Variants in COL19A1 observed in about 807,000 individuals in gnomAD.
The protein encoded by COL19A1 is collagen type XIX alpha 1 chain, also known as collagen alpha-1(XIX) chain.
In COL19A1, 159 loss-of-function variants were observed where a neutral mutation model predicts 190.2. The observed-to-expected ratio is 0.84, with a 90% CI of 0.73 to 0.95. The LOEUF (loss-of-function observed/expected upper bound fraction) is 0.95, where lower values mean the gene tolerates loss of function less well. Among genes scored for constraint, COL19A1 ranks in the 40% least tolerant of loss-of-function variants. The pLI is 0.00. For missense variants in COL19A1, 1,418 were observed against 1,431.9 expected (o/e 0.99, Z 0.16); for synonymous variants, 509 against 458.9 (o/e 1.11, Z -1.39).
intron 16 of COL19A1, among the ~76,000 whole-genome samples, chr6:70,111,261 C>T (rs1222218870): frequency 6.6e-6 from 1 of 152,112 alleles, no homozygotes; most frequent in African/African-American, 2.4e-5. Context: ...TTTCTCTGCA[C>T]ATCAGTAACT....
intron 11 of COL19A1, among the ~76,000 whole-genome samples, chr6:70,005,647 G>A (rs1358641290): frequency 6.6e-6 from 1 of 152,134 alleles, no homozygotes; most frequent in Non-Finnish European, 1.5e-5. Context: ...GTGGCATCGG[G>A]AACAGGACCT....
chr6:70,185,550 A>T (rs890886368), intron 46 of COL19A1, among the ~76,000 whole-genome samples: 1 of 152,186 alleles, frequency 6.6e-6, no homozygotes, highest in Non-Finnish European at 1.5e-5. Context: ...CAATTATGTT[A>T]TATGGTTTTG....
intron 23 of COL19A1, among the ~76,000 whole-genome samples, chr6:70,143,031 T>C (rs1285804740): frequency 1.3e-5 from 2 of 152,146 alleles, no homozygotes; most frequent in Non-Finnish European, 2.9e-5. Context: ...TTGAGTATCA[T>C]TAGCCTAATA....
At chr6:69,983,277 AT>A (rs1449695566) in intron 11 of COL19A1, among the ~76,000 whole-genome samples, 1 of 152,086 alleles carries the variant, frequency 6.6e-6, no homozygotes, top group African/African-American at 2.4e-5. Context: ...TTTTGATGCT[AT>A]TTTGAATACT....
intron 41 of COL19A1, among the ~76,000 whole-genome samples, chr6:70,175,315 A>AT (rs1765737803): frequency 6.6e-6 from 1 of 152,068 alleles, no homozygotes; most frequent in Non-Finnish European, 1.5e-5. Context: ...CTAACACTAT[A>AT]TTTCTTTATG....
chr6:70,117,629 G>A (rs984022573), intron 16 of COL19A1, among the ~76,000 whole-genome samples: 3 of 152,126 alleles, frequency 2.0e-5, no homozygotes, highest in Non-Finnish European at 4.4e-5. Flanking sequence ...AGGTTTATAG[G>A]CCTCTCAGAT....
At chr6:70,107,105 A>T (rs1784024142) in intron 16 of COL19A1, among the ~76,000 whole-genome samples, 1 of 152,222 alleles carries the variant, frequency 6.6e-6, no homozygotes, top group South Asian at 2.1e-4. Flanking sequence ...CAAGTAACTT[A>T]CCCAAGATGA....
chr6:69,906,447 C>G (rs1211614612), intron 4 of COL19A1, among the ~76,000 whole-genome samples: 1 of 151,714 alleles, frequency 6.6e-6, no homozygotes, highest in Non-Finnish European at 1.5e-5. Flanking sequence ...AGTGCTGTGA[C>G]CCATTAAAAA....
At chr6:70,124,463 G>C (rs952378630) in intron 17 of COL19A1, among the ~76,000 whole-genome samples, 1 of 151,526 alleles carries the variant, frequency 6.6e-6, no homozygotes, top group Non-Finnish European at 1.5e-5. Context: ...TTGCTGATGA[G>C]TCAGTTTTCC....
chr6:70,142,104 G>A, intron 22 of COL19A1, 28 bp downstream of exon 22: 1 of 1,593,656 alleles, frequency 6.3e-7, no homozygotes, highest in East Asian at 2.3e-5. Flanking sequence ...AAGATTTCTT[G>A]GGAAATAATT....
At chr6:69,873,064 A>G (rs1767932626) in intron 1 of COL19A1, among the ~76,000 whole-genome samples, 1 of 152,134 alleles carries the variant, frequency 6.6e-6, no homozygotes, top group Non-Finnish European at 1.5e-5. Flanking sequence ...ATATGCGGAT[A>G]TAATACCTGT....
At chr6:70,067,243 A>G (rs140928323) in intron 14 of COL19A1, among the ~76,000 whole-genome samples, 5 of 152,266 alleles carry the variant, frequency 3.3e-5, no homozygotes, top group Admixed American at 2.0e-4. Context: ...AGCTTCAACT[A>G]GGAAGCTCTT....
At chr6:70,202,468 A>ATAT (rs1767610823) in intron 49 of COL19A1, among the ~76,000 whole-genome samples, 1 of 152,250 alleles carries the variant, frequency 6.6e-6, no homozygotes, top group African/African-American at 2.4e-5. Flanking sequence ...TTGACGATAT[A>ATAT]TATCATCTTA....
chr6:70,023,296 G>A (rs1490161630), intron 11 of COL19A1, among the ~76,000 whole-genome samples: 1 of 151,878 alleles, frequency 6.6e-6, no homozygotes. Context: ...ACCATGCCTG[G>A]CTAATTTTTT....
intron 49 of COL19A1, 71 bp downstream of exon 49, chr6:70,199,807 T>G: frequency 6.8e-7 from 1 of 1,478,094 alleles, no homozygotes; most frequent in Non-Finnish European, 9.1e-7. Context: ...TAGTCACAGT[T>G]AAGGAAAAAA....
intron 16 of COL19A1, among the ~76,000 whole-genome samples, chr6:70,117,359 C>A (rs1459144403): frequency 1.3e-5 from 2 of 152,136 alleles, no homozygotes; most frequent in African/African-American, 4.8e-5. Flanking sequence ...AATGTGCAGC[C>A]AAAACTGAAA....
At chr6:69,916,873 T>A (rs1489587146) in intron 4 of COL19A1, among the ~76,000 whole-genome samples, 2 of 152,200 alleles carry the variant, frequency 1.3e-5, no homozygotes, top group African/African-American at 4.8e-5. Flanking sequence ...ACTTGATACA[T>A]TGGAAGAAAC....
chr6:70,058,868 A>G (rs565334898), intron 14 of COL19A1, among the ~76,000 whole-genome samples: 46 of 152,152 alleles, frequency 3.0e-4, no homozygotes, highest in African/African-American at 1.1e-3. Context: ...TGGACTATAT[A>G]TTATATTTTT....
chr6:69,991,731 G>C (rs1776638137), intron 11 of COL19A1, among the ~76,000 whole-genome samples: 2 of 151,816 alleles, frequency 1.3e-5, no homozygotes, highest in Non-Finnish European at 2.9e-5. Flanking sequence ...TTTTTTAATG[G>C]GGTTATTTGG....
Sources: gnomAD v4.1 joint callset for allele counts (sites outside exome capture counted in the v4.1 genomes callset) on GRCh38, gnomAD v4.1.1 for gene constraint, MANE v1.5 for transcripts, NCBI Gene and HGNC (gene_info 2026-07-23, HGNC 2026-07-21) for gene names.